The following CREBBP variants were observed in gnomAD, a reference collection of about 807,000 sequenced individuals.
The protein encoded by CREBBP is CREB binding lysine acetyltransferase.
CREBBP carries 19 observed loss-of-function variants against 265.0 expected under a neutral mutation model. That is an observed-to-expected ratio of 0.07 (90% CI 0.05 to 0.11). The LOEUF (loss-of-function observed/expected upper bound fraction) is 0.11. Ranked by LOEUF, CREBBP falls within the 10% of genes least tolerant of loss-of-function variation. CREBBP has a pLI of 1.00. For missense variants in CREBBP, 2,525 were observed against 3,219.0 expected, an observed-to-expected ratio of 0.78 and a Z score of 5.22; for synonymous variants, 1,457 against 1,223.7, an observed-to-expected ratio of 1.19 and a Z score of -3.98.
intron 2 of CREBBP, among the ~76,000 whole-genome samples, chr16:3,837,870 T>C (rs2054487401): frequency 6.6e-6 from 1 of 152,154 alleles, no homozygotes; most frequent in Non-Finnish European, 1.5e-5. Context: ...GTTTATAAAG[T>C]CTATAGCAGT....
At chr16:3,851,306 T>TAAAAAAAAA (rs1160251196) in intron 1 of CREBBP, among the ~76,000 whole-genome samples, 5 of 76,494 alleles carry the variant, frequency 6.5e-5, no homozygotes, top group East Asian at 3.4e-4. Flanking sequence ...AAAAAAAAAT[T>TAAAAAAAAA]AAAAAAAAAA....
intron 16 of CREBBP, among the ~76,000 whole-genome samples, chr16:3,759,768 C>T (rs1283863443): frequency 6.6e-6 from 1 of 152,098 alleles, no homozygotes; most frequent in Non-Finnish European, 1.5e-5. Flanking sequence ...TTGCTTACTC[C>T]CACATTTACT....
intron 16 of CREBBP, chr16:3,761,636 A>G (rs2052720606): frequency 2.0e-6 from 1 of 512,364 alleles, no homozygotes; most frequent in Non-Finnish European, 3.9e-6. Flanking sequence ...GACCTCTGAC[A>G]GCAGCCTGAG....
intron 16 of CREBBP, among the ~76,000 whole-genome samples, chr16:3,764,684 AG>A (rs1018230107): frequency 5.3e-5 from 8 of 151,996 alleles, no homozygotes; most frequent in Admixed American, 2.6e-4. Context: ...CCTGAGCTCA[AG>A]TGATCCTGCT....
chr16:3,810,524 T>C (rs2141346044), intron 3 of CREBBP, 79 bp downstream of exon 3: 1 of 1,523,702 alleles, frequency 6.6e-7, no homozygotes, highest in South Asian at 1.1e-5. Context: ...TTATAGACTT[T>C]CACTGTGAGA....
rs201679455 is a variant in CREBBP at position 3,736,028 on chromosome 16, G to A, written c.4728+8C>T. The A allele has an allele frequency of 1.6e-4, 264 of 1,614,198 alleles. 1 individual carries two copies. The African/African-American group carries it at 2.5e-3, about 16-fold the overall frequency. ...CGTGGGCAATGGAGCTCAGAGAAGG[G>A]TCTGTACCTCAGTGGTTTCACTGGC... On this transcript the variant is annotated splice_region_variant and intron_variant, in intron 28 of 30. Coordinates refer to ENST00000262367, the MANE Select transcript of CREBBP (RefSeq NM_004380.3).
chr16:3,850,367 A>G lies in CREBBP; in HGVS notation c.728T>C (p.Leu243Pro), dbSNP rs2054804497. ...GASSSVLAET[L>P]TQVSPQMTGH... ...AGTCATTTGCGGGGAAACCTGCGTTAGGGTCTCAGCCAGCACGCTGCTCGA... is the reference window on the plus strand; with the variant it reads ...AGTCATTTGCGGGGAAACCTGCGTTGGGGTCTCAGCCAGCACGCTGCTCGA... Residue 243 changes from leucine to proline, a missense_variant, in exon 2 of 31, where the codon CTA (leucine) becomes CCA (proline). Coordinates refer to ENST00000262367, the MANE Select transcript of CREBBP (RefSeq NM_004380.3). 1 of 1,614,224 alleles carries G rather than the reference A, an allele frequency of 6.2e-7. No individual in the cohort carries two copies. Among genetic ancestry groups the G allele is most frequent in the Non-Finnish European group, 8.5e-7 (1 of 1,180,038 alleles).
intron 2 of CREBBP, among the ~76,000 whole-genome samples, chr16:3,822,181 C>A (rs2141382804): frequency 6.6e-6 from 1 of 152,274 alleles, no homozygotes; most frequent in Non-Finnish European, 1.5e-5. Flanking sequence ...TTTCCCCAGA[C>A]CTTCCACATA....
At chr16:3,849,975 T>C (rs1434931382) in intron 2 of CREBBP, among the ~76,000 whole-genome samples, 1 of 152,082 alleles carries the variant, frequency 6.6e-6, no homozygotes, top group Non-Finnish European at 1.5e-5. Context: ...CAGAGGAGCA[T>C]ACAGACCAGT....
chr16:3,752,012 G>A (rs1440266017), intron 19 of CREBBP, among the ~76,000 whole-genome samples: 3 of 152,268 alleles, frequency 2.0e-5, no homozygotes, highest in Non-Finnish European at 1.5e-5. Context: ...GGAACAAATA[G>A]CACAGACACA....
rs2151306677 is a variant in CREBBP, at chr16:3,729,028, G to A, written c.6019C>T (p.Gln2007Ter). Residue 2007 changes from glutamine to a stop codon, truncating the protein, a stop_gained, in exon 31 of 31, where the codon CAG (glutamine) becomes TAG (stop). Transcript: ENST00000262367. LOFTEE classifies it high-confidence loss of function. ...CTGGGCATGACGGGCCCGCTCACCTGGTTGGGTCGGGGCACATTCAGGCTC... is the reference window on the plus strand; with the variant it reads ...CTGGGCATGACGGGCCCGCTCACCTAGTTGGGTCGGGGCACATTCAGGCTC... ...PVSLNVPRPN[Q>*]VSGPVMPSMP... The A allele has an allele frequency of 6.3e-7, 1 of 1,589,734 alleles. No individual in the cohort carries two copies.
In CREBBP at chr16:3,729,872, G is replaced by A. The variant is rs756382830; in HGVS notation, c.5175C>T (p.Asp1725=). Reference sequence around the variant, plus strand: ...TATAGCAGTTGATGCAGAGGTCGTAGTCCTGCAAGCAAGGAAAGGGGACAG... The same window carrying A: ...TATAGCAGTTGATGCAGAGGTCGTAATCCTGCAAGCAAGGAAAGGGGACAG... The part of the protein sequence containing the change: ...ETRWHCTVCE[D]YDLCINCYNT... Residue 1725 remains aspartate, a splice_region_variant and synonymous_variant, in exon 31 of 31, where the codon GAC becomes GAT. Transcript: ENST00000262367. 6.2e-7 allele frequency: 1 copy of A among 1,601,104 alleles called. No homozygotes were observed. The highest frequency in any genetic ancestry group is 1.1e-5 in the South Asian group (1 of 91,076).
chr16:3,753,855 G>A (rs949089284), intron 19 of CREBBP, among the ~76,000 whole-genome samples: 1 of 152,176 alleles, frequency 6.6e-6, no homozygotes, highest in Non-Finnish European at 1.5e-5. Context: ...GACCGTTCAA[G>A]ACATTCTGAA....
chr16:3,768,136 GTTTTTTTTTTTTTTTTTTTTT>G (rs71133655), intron 15 of CREBBP, among the ~76,000 whole-genome samples: 1 of 51,590 alleles, frequency 1.9e-5, no homozygotes. Context: ...ATTTAAAAGT[GTTTTTTTTTTTTTTTTTTTTT>G]TTTTTTTTTT....
At chr16:3,827,537 G>A (rs145846851) in intron 2 of CREBBP, among the ~76,000 whole-genome samples, 2,264 of 151,548 alleles carry the variant, frequency 0.015, 33 homozygotes, top group Middle Eastern at 0.041. Context: ...GACTACAGGC[G>A]CCCGCCACCA....
chr16:3,740,518 C>T lies in CREBBP; in HGVS notation c.4014G>A (p.Leu1338=), dbSNP rs1432126330. The T allele has an allele frequency of 1.2e-6, 2 of 1,614,066 alleles. No individual in the cohort carries two copies. The highest frequency in any genetic ancestry group is 3.3e-5 in the Admixed American group (2 of 59,990). ...GCAAAAATTTGTTCACTCGGTCTTC[C>T]AAGTGGTTTCCCAGTCTTGTGGTCT... is the stretch of plus-strand genomic sequence containing the variant. ...RLQTTRLGNH[L]EDRVNKFLRR... is the part of the protein sequence containing the mutation. The change falls in exon 24 of 31, where the codon TTG becomes TTA. Residue 1338 remains leucine (L), a synonymous_variant. Coordinates refer to ENST00000262367, the MANE Select transcript of CREBBP (RefSeq NM_004380.3).
At chr16:3,800,088 A>C (rs1363204567) in intron 3 of CREBBP, among the ~76,000 whole-genome samples, 5 of 152,210 alleles carry the variant, frequency 3.3e-5, no homozygotes, top group Non-Finnish European at 7.3e-5. Flanking sequence ...TAGTCACAGA[A>C]CATAAAGCAG....
intron 3 of CREBBP, among the ~76,000 whole-genome samples, 152 bp downstream of exon 3, chr16:3,810,450 CA>C (rs1293494069): frequency 4.4e-4 from 67 of 152,098 alleles, no homozygotes; most frequent in Non-Finnish European, 8.4e-4. Context: ...ATGTTAAACT[CA>C]TTTAGAGAGC....
intron 2 of CREBBP, among the ~76,000 whole-genome samples, chr16:3,831,125 G>C (rs1029025871): frequency 2.0e-5 from 3 of 152,096 alleles, no homozygotes; most frequent in African/African-American, 7.2e-5. Flanking sequence ...AAAACCATTT[G>C]CTGGGCCGTA....
Sources: gnomAD v4.1 joint callset for allele counts (sites outside exome capture counted in the v4.1 genomes callset) on GRCh38, gnomAD v4.1.1 for gene constraint, MANE v1.5 for transcripts, NCBI Gene and HGNC (gene_info 2026-07-23, HGNC 2026-07-21) for gene names.